Variants in SPATA18 observed in about 807,000 individuals in gnomAD.
The protein encoded by SPATA18 is mitochondria-eating protein.
SPATA18 carries 54 observed loss-of-function variants against 68.1 expected under a neutral mutation model. The observed-to-expected ratio is 0.79, with a 90% CI of 0.64 to 0.99. The LOEUF is 0.99. SPATA18 is among the 50% of genes least tolerant of loss of function. SPATA18 has a pLI of 0.00. For missense variants in SPATA18, 724 were observed against 681.1 expected (o/e 1.06, Z -0.70); for synonymous variants, 242 against 244.8 (o/e 0.99, Z 0.11).
intron 6 of SPATA18, among the ~76,000 whole-genome samples, chr4:52,074,924 G>A (rs899552874): frequency 1.4e-4 from 22 of 152,292 alleles, no homozygotes; most frequent in Admixed American, 5.9e-4. Flanking sequence ...CATAGAAAAG[G>A]AAAAGACAGG....
chr4:52,056,149 C>T (rs1738322986), intron 1 of SPATA18, among the ~76,000 whole-genome samples: 1 of 152,094 alleles, frequency 6.6e-6, no homozygotes, highest in Non-Finnish European at 1.5e-5. Context: ...CCTCAGCCCT[C>T]TCCTCACTCT....
At chr4:52,064,525 G>A (rs887026527) in intron 4 of SPATA18, among the ~76,000 whole-genome samples, 1 of 152,074 alleles carries the variant, frequency 6.6e-6, no homozygotes, top group South Asian at 2.1e-4. Flanking sequence ...GAACCATATG[G>A]TATTTGGTTT....
rs1180545806 is a variant in SPATA18, at chr4:52,080,543, G to C, written c.1355+624G>C. 2.0e-5 allele frequency among the ~76,000 whole-genome samples: 3 copies of C among 152,212 alleles called. No individual in the cohort carries two copies. The South Asian group carries it at 6.2e-4, about 32-fold the overall frequency. On this transcript the variant is annotated intron_variant, in intron 9 of 12. Transcript: ENST00000295213. ...GTATTGTGATTTCTTGAGATCACAGGATATAGCTGGAGATTATCTGGGAAG... is the reference window on the plus strand; with the variant it reads ...GTATTGTGATTTCTTGAGATCACAGCATATAGCTGGAGATTATCTGGGAAG...
chr4:52,082,337 T>G (rs1740998501), intron 9 of SPATA18, 50 bp from the exon 10 acceptor site: 1 of 1,537,612 alleles, frequency 6.5e-7, no homozygotes, highest in Non-Finnish European at 9.0e-7. Context: ...CCCCTAGATA[T>G]GCTCCATAAT....
chr4:52,094,422 G>C, intron 11 of SPATA18, 105 bp from the exon 12 acceptor site: 1 of 1,032,122 alleles, frequency 9.7e-7, no homozygotes, highest in Non-Finnish European at 1.5e-6. Context: ...AAGTGCCTCA[G>C]AGAAAGCTAT....
Position 52,051,693 on chromosome 4 carries a change from G to A in SPATA18, c.-12G>A. ...CCATCGCGCAGCGTGGGGCCGAGAGGAATAGTGAGCGATGGCGGAAAACCT... is the reference window on the plus strand; with the variant it reads ...CCATCGCGCAGCGTGGGGCCGAGAGAAATAGTGAGCGATGGCGGAAAACCT... On this transcript the variant is annotated 5_prime_UTR_variant, in exon 1 of 13. Transcript: ENST00000295213. 6.2e-7 allele frequency: 1 copy of A among 1,613,984 alleles called. No homozygotes were observed. Among genetic ancestry groups the A allele is most frequent in the Non-Finnish European group, 8.5e-7 (1 of 1,179,828 alleles).
chr4:52,082,297 A>G (rs1740995975), intron 9 of SPATA18, 90 bp from the exon 10 acceptor site: 1 of 1,234,400 alleles, frequency 8.1e-7, no homozygotes, highest in Admixed American at 1.8e-5. Flanking sequence ...TCTGAGCATA[A>G]TACAAAATGA....
Position 52,051,452 on chromosome 4 carries a change from G to A in SPATA18, c.-253G>A. On this transcript the variant is annotated 5_prime_UTR_variant, in exon 1 of 13. Coordinates refer to ENST00000295213, the MANE Select transcript of SPATA18 (RefSeq NM_145263.4). ...GGGTATCTATGGCCGGGCTCAGGCG[G>A]CTGCTGGGGAGCCAGGAGACCGCGC... The A allele has an allele frequency of 1.9e-6, 1 of 523,890 alleles. No individual in the cohort carries two copies. The highest frequency in any genetic ancestry group is 3.4e-6 in the Non-Finnish European group (1 of 293,692). The allele number at this position is 523,890 out of a possible 1,614,324, so 32.5% of individuals were successfully genotyped here. A position where few individuals can be genotyped will look rare whatever the true frequency, so the allele number is the denominator to read the frequency against.
intron 8 of SPATA18, 83 bp downstream of exon 8, chr4:52,078,976 C>A: frequency 7.5e-7 from 1 of 1,333,570 alleles, no homozygotes; most frequent in South Asian, 2.0e-5. Flanking sequence ...GAAATCCATC[C>A]AGTATTTAGT....
At chr4:52,075,332 A>G (rs906224779) in intron 6 of SPATA18, among the ~76,000 whole-genome samples, 2 of 152,134 alleles carry the variant, frequency 1.3e-5, no homozygotes, top group African/African-American at 4.8e-5. Context: ...CAATGCTGTC[A>G]CCGTGTAATT....
chr4:52,066,575 T>C (rs558093493), intron 4 of SPATA18, among the ~76,000 whole-genome samples: 3 of 152,296 alleles, frequency 2.0e-5, no homozygotes, highest in East Asian at 3.9e-4. Context: ...ACGTGTACCA[T>C]GGTGGTTTGC....
At chr4:52,052,611 GC>G (rs370076499) in intron 1 of SPATA18, among the ~76,000 whole-genome samples, 4 of 152,120 alleles carry the variant, frequency 2.6e-5, no homozygotes, top group African/African-American at 7.2e-5. Context: ...CCGGAAATTA[GC>G]CCCCCCTTGT....
chr4:52,091,440 T>C (rs975541391), intron 11 of SPATA18, among the ~76,000 whole-genome samples: 1 of 152,184 alleles, frequency 6.6e-6, no homozygotes, highest in Non-Finnish European at 1.5e-5. Context: ...CTACCTTTGG[T>C]CTTTGATGTT....
In SPATA18 at chr4:52,055,765, C is replaced by T. The variant is rs550241920; in HGVS notation, c.87+3974C>T. Among the ~76,000 whole-genome samples, 26 of 152,294 alleles carry T rather than the reference C, an allele frequency of 1.7e-4. No homozygotes were observed. In the South Asian group the frequency reaches 5.2e-3, roughly 30 times the overall value. On this transcript the variant is annotated intron_variant, in intron 1 of 12. Transcript: ENST00000295213. ...TCAGGCAAAGGCTTTCCTGAAACTT[C>T]GTGGCCCTTACCAGCTTCTCTTTTG...
intron 5 of SPATA18, among the ~76,000 whole-genome samples, chr4:52,070,333 T>G (rs1739696170): frequency 6.6e-6 from 1 of 152,128 alleles, no homozygotes; most frequent in Non-Finnish European, 1.5e-5. Context: ...GTTCCATCAT[T>G]TGGGGATTTC....
chr4:52,053,101 T>C (rs577632404), intron 1 of SPATA18, among the ~76,000 whole-genome samples: 30 of 147,430 alleles, frequency 2.0e-4, no homozygotes, highest in African/African-American at 5.8e-4. Context: ...TATTTACCCC[T>C]TTTTTTTTGC....
intron 11 of SPATA18, among the ~76,000 whole-genome samples, chr4:52,093,792 C>T: frequency 6.6e-6 from 1 of 152,186 alleles, no homozygotes; most frequent in East Asian, 1.9e-4. Context: ...TCAGAAAGAA[C>T]ACATTAATTT....
At chr4:52,091,108 C>T (rs761894687) in intron 11 of SPATA18, among the ~76,000 whole-genome samples, 2 of 151,784 alleles carry the variant, frequency 1.3e-5, no homozygotes, top group Admixed American at 6.6e-5. Flanking sequence ...GTATTCCTCA[C>T]GAAGTTCTTG....
chr4:52,079,435 C>A (rs1320507409), intron 8 of SPATA18, among the ~76,000 whole-genome samples: 6 of 152,212 alleles, frequency 3.9e-5, no homozygotes, highest in African/African-American at 1.4e-4. Context: ...TGTGTTGGCA[C>A]ATCATACCCT....
Sources: gnomAD v4.1 joint callset for allele counts (sites outside exome capture counted in the v4.1 genomes callset) on GRCh38, gnomAD v4.1.1 for gene constraint, MANE v1.5 for transcripts, NCBI Gene and HGNC (gene_info 2026-07-23, HGNC 2026-07-21) for gene names.